Variants in IL1RAPL2 observed in about 807,000 individuals in gnomAD.
The protein encoded by IL1RAPL2 is interleukin 1 receptor accessory protein like 2, also known as X-linked interleukin-1 receptor accessory protein-like 2.
A neutral mutation model predicts 44.1 loss-of-function variants in IL1RAPL2; 3 were observed. The ratio of observed to expected loss-of-function variants is 0.07; its 90% CI spans 0.03 to 0.18. IL1RAPL2 has a LOEUF of 0.18. Ranked by LOEUF, IL1RAPL2 falls within the 10% of genes least tolerant of loss-of-function variation. The probability of loss-of-function intolerance (pLI) is 1.00; values close to 1 mark genes in which losing one functional copy is unlikely to be tolerated. For synonymous variants in IL1RAPL2, 181 were observed against 178.8 expected, an observed-to-expected ratio of 1.01 and a Z score of -0.10; for missense variants, 391 against 496.4, an observed-to-expected ratio of 0.79 and a Z score of 2.02.
At chrX:105,656,515 C>G (rs2037678442) in intron 6 of IL1RAPL2, among the ~76,000 whole-genome samples, 1 of 111,439 alleles carries the variant, frequency 9.0e-6, no homozygotes, top group African/African-American at 3.3e-5. Flanking sequence ...TCTAGGAGAC[C>G]AAAAATAACT....
intron 3 of IL1RAPL2, among the ~76,000 whole-genome samples, chrX:105,206,705 A>T (rs1484496132): frequency 8.9e-6 from 1 of 112,193 alleles, no homozygotes; most frequent in Non-Finnish European, 1.9e-5. Flanking sequence ...AAAAGTGATG[A>T]TTAAGTTAAA....
At chrX:105,447,138 AATATAAATATATATAAATATAAATAT>A in intron 5 of IL1RAPL2, among the ~76,000 whole-genome samples, 1 of 46,614 alleles carries the variant, frequency 2.1e-5, no homozygotes, top group African/African-American at 8.3e-5. Flanking sequence ...TATATATATG[AATATAAATATATATAAATATAAATAT>A]ATATAAATAT....
intron 5 of IL1RAPL2, among the ~76,000 whole-genome samples, chrX:105,402,566 G>A (rs1017327995): frequency 2.7e-5 from 3 of 111,306 alleles, no homozygotes; most frequent in African/African-American, 9.8e-5. Context: ...CAAAACCACT[G>A]AGAATACACA....
rs192626483 is a variant in IL1RAPL2, at chrX:105,661,222, A to T, written c.773-56145A>T. On this transcript the variant is annotated intron_variant, in intron 6 of 10. Transcript: ENST00000372582. ...ATAATGATAAAGGAGTCAATTCAGC[A>T]AGGGGATATAACAATTATATTTGAA... Among the ~76,000 whole-genome samples, 12 of 112,203 alleles carry T rather than the reference A, an allele frequency of 1.1e-4. No homozygotes were observed. The East Asian group carries it at 2.8e-3, about 26-fold the overall frequency.
At chrX:104,679,676 G>A in intron 2 of IL1RAPL2, among the ~76,000 whole-genome samples, 1 of 111,630 alleles carries the variant, frequency 9.0e-6, no homozygotes, top group African/African-American at 3.3e-5. Flanking sequence ...TGGATTTGGT[G>A]CCCTTTTTGC....
rs1924901948 is a variant in IL1RAPL2 at position 104,931,659 on chromosome X, T to G, written c.83-263816T>G. 3.6e-5 allele frequency among the ~76,000 whole-genome samples: 4 copies of G among 111,673 alleles called. No individual in the cohort carries two copies. In the Admixed American group the frequency reaches 3.8e-4, roughly 11 times the overall value. On this transcript the variant is annotated intron_variant, in intron 2 of 10. Transcript: ENST00000372582. Reference sequence around the variant, plus strand: ...GACATATTTTATCTACTTCTGAAATTTAATTATGACTGACTTTAATTTCAG... The same window carrying G: ...GACATATTTTATCTACTTCTGAAATGTAATTATGACTGACTTTAATTTCAG...
chrX:105,295,054 T>G (rs1278861780), intron 5 of IL1RAPL2, among the ~76,000 whole-genome samples: 8 of 111,694 alleles, frequency 7.2e-5, no homozygotes, highest in Non-Finnish European at 1.5e-4. Context: ...GAGGAAGGGA[T>G]AAGCAGTATA....
intron 5 of IL1RAPL2, among the ~76,000 whole-genome samples, chrX:105,380,573 T>A (rs2035422108): frequency 1.8e-5 from 2 of 111,714 alleles, no homozygotes; most frequent in Admixed American, 1.9e-4. Context: ...TTCAACCCAG[T>A]CTTGTGACTC....
intron 6 of IL1RAPL2, among the ~76,000 whole-genome samples, chrX:105,515,934 A>G (rs1468090124): frequency 8.9e-6 from 1 of 111,766 alleles, no homozygotes; most frequent in East Asian, 2.8e-4. Flanking sequence ...ACTTGCTTCA[A>G]TATGTAATGA....
chrX:105,007,181 G>A (rs187101102), intron 2 of IL1RAPL2, among the ~76,000 whole-genome samples: 10 of 111,477 alleles, frequency 9.0e-5, no homozygotes, highest in Non-Finnish European at 1.9e-4. Flanking sequence ...AAATATAATG[G>A]GAGAACTATG....
intron 5 of IL1RAPL2, among the ~76,000 whole-genome samples, chrX:105,304,689 C>G (rs964723162): frequency 1.8e-5 from 2 of 111,647 alleles, no homozygotes; most frequent in Admixed American, 9.5e-5. Flanking sequence ...TTAATTATAA[C>G]TATATTTCTG....
At chrX:105,211,525 C>T (rs2033807895) in intron 3 of IL1RAPL2, among the ~76,000 whole-genome samples, 1 of 111,234 alleles carries the variant, frequency 9.0e-6, no homozygotes, top group African/African-American at 3.3e-5. Flanking sequence ...ACTTTCTATC[C>T]AGTTCATTCC....
chrX:104,612,690 GT>G (rs200689840), intron 1 of IL1RAPL2, among the ~76,000 whole-genome samples: 38,800 of 108,934 alleles, frequency 0.36, 5,682 homozygotes, highest in East Asian at 0.54. Flanking sequence ...TTTTTGAATA[GT>G]TTTTTTTTCT....
intron 2 of IL1RAPL2, among the ~76,000 whole-genome samples, chrX:104,950,865 G>T (rs957243428): frequency 1.8e-5 from 2 of 110,910 alleles, no homozygotes; most frequent in Non-Finnish European, 3.8e-5. Flanking sequence ...CCGCCACCTC[G>T]CCCGGCTAAT....
intron 2 of IL1RAPL2, among the ~76,000 whole-genome samples, chrX:104,665,279 T>A (rs1930466702): frequency 9.0e-6 from 1 of 111,270 alleles, no homozygotes; most frequent in Non-Finnish European, 1.9e-5. Flanking sequence ...ATTCCTTTAG[T>A]TTCTGATATT....
chrX:105,666,670 G>A (rs1927047095), intron 6 of IL1RAPL2, among the ~76,000 whole-genome samples: 1 of 111,946 alleles, frequency 8.9e-6, no homozygotes, highest in African/African-American at 3.3e-5. Context: ...CAACCAGTTA[G>A]ACCAGAAATT....
chrX:105,213,697 C>T (rs891342880), intron 3 of IL1RAPL2, among the ~76,000 whole-genome samples: 13 of 108,854 alleles, frequency 1.2e-4, no homozygotes, highest in East Asian at 5.9e-4. Context: ...AAGGTTGAAA[C>T]GGAAAAAATA....
rs149044328 is a variant in IL1RAPL2 at position 105,245,088 on chromosome X, G to A, written c.543+11084G>A. On this transcript the variant is annotated intron_variant, in intron 4 of 10. Coordinates refer to ENST00000372582, the MANE Select transcript of IL1RAPL2 (RefSeq NM_017416.2). The stretch of plus-strand genomic sequence containing the variant: ...TTAGGTCATACTTAAAATATGTAAG[G>A]AGGCAGTTTAGGCTAAACTTGATTT... Among the ~76,000 whole-genome samples, 67 of 111,940 alleles carry A rather than the reference G, an allele frequency of 6.0e-4. 1 individual carries two copies. In the East Asian group the frequency reaches 0.019, roughly 31 times the overall value.
chrX:104,727,553 T>G (rs1336918278), intron 2 of IL1RAPL2, among the ~76,000 whole-genome samples: 1 of 111,408 alleles, frequency 9.0e-6, no homozygotes, highest in Non-Finnish European at 1.9e-5. Flanking sequence ...AAAATTGAAC[T>G]GCCATTTGAT....
Sources: gnomAD v4.1 joint callset for allele counts (sites outside exome capture counted in the v4.1 genomes callset) on GRCh38, gnomAD v4.1.1 for gene constraint, MANE v1.5 for transcripts, NCBI Gene and HGNC (gene_info 2026-07-23, HGNC 2026-07-21) for gene names.